Variants in PARD3 observed in about 807,000 individuals in gnomAD.
PARD3 encodes par-3 family cell polarity regulator.
A neutral mutation model predicts 155.4 loss-of-function variants in PARD3; 75 were observed. The observed-to-expected ratio is 0.48, with a 90% CI of 0.40 to 0.58. PARD3 has a LOEUF of 0.58. PARD3 is among the 20% of genes least tolerant of loss of function. The pLI is 0.00. For synonymous variants in PARD3, 576 were observed against 610.5 expected (o/e 0.94, Z 0.83); for missense variants, 1,642 against 1,721.7 (o/e 0.95, Z 0.82).
chr10:34,491,637 A>G (rs1274451799), intron 3 of PARD3, among the ~76,000 whole-genome samples: 1 of 152,262 alleles, frequency 6.6e-6, no homozygotes, highest in Admixed American at 6.5e-5. Flanking sequence ...ATTTGTATAC[A>G]AAACAGGAAG....
chr10:34,516,947 G>T, intron 3 of PARD3, 32 bp downstream of exon 3: 1 of 1,590,596 alleles, frequency 6.3e-7, no homozygotes, highest in Non-Finnish European at 8.6e-7. Context: ...AAATTAAGAT[G>T]AAATGGAAGA....
At chr10:34,439,832 C>T (rs918042220) in intron 5 of PARD3, among the ~76,000 whole-genome samples, 2 of 152,058 alleles carry the variant, frequency 1.3e-5, no homozygotes, top group Non-Finnish European at 2.9e-5. Context: ...CCAACCCTAC[C>T]GCAATACCGT....
chr10:34,678,197 C>T (rs1012224774), intron 2 of PARD3, among the ~76,000 whole-genome samples: 10 of 152,140 alleles, frequency 6.6e-5, no homozygotes, highest in African/African-American at 2.2e-4. Flanking sequence ...ACCTCGGCCT[C>T]CAGAGTGGCT....
chr10:34,739,764 G>A (rs2094975406), intron 1 of PARD3, among the ~76,000 whole-genome samples: 1 of 152,202 alleles, frequency 6.6e-6, no homozygotes, highest in South Asian at 2.1e-4. Context: ...ATTCAATAAA[G>A]TGGGAGCAGG....
At chr10:34,154,791 C>A (rs996303832) in intron 22 of PARD3, among the ~76,000 whole-genome samples, 2 of 152,176 alleles carry the variant, frequency 1.3e-5, no homozygotes, top group Non-Finnish European at 2.9e-5. Context: ...TGTTGAAACT[C>A]ATGGGTTCTG....
chr10:34,763,374 G>A (rs1219371398), intron 1 of PARD3, among the ~76,000 whole-genome samples: 4 of 152,218 alleles, frequency 2.6e-5, no homozygotes, highest in Admixed American at 2.6e-4. Context: ...GCTGAGGGCT[G>A]CAGCAAGGTT....
At chr10:34,627,071 G>C (rs2092015408) in intron 2 of PARD3, among the ~76,000 whole-genome samples, 1 of 151,278 alleles carries the variant, frequency 6.6e-6, no homozygotes, top group African/African-American at 2.4e-5. Flanking sequence ...TGAGGTTAGA[G>C]TGCAGTGGCA....
At chr10:34,748,940 C>G (rs1835648460) in intron 1 of PARD3, among the ~76,000 whole-genome samples, 1 of 152,220 alleles carries the variant, frequency 6.6e-6, no homozygotes, top group Non-Finnish European at 1.5e-5. Flanking sequence ...CCCTGGGCCA[C>G]AGGCCCTTCA....
chr10:34,707,543 T>G (rs1017422946), intron 1 of PARD3, among the ~76,000 whole-genome samples: 1 of 152,186 alleles, frequency 6.6e-6, no homozygotes, highest in African/African-American at 2.4e-5. Context: ...TGATTCAGAA[T>G]GAGGGGCGAG....
At chr10:34,356,786 C>A (rs2134464091) in intron 14 of PARD3, among the ~76,000 whole-genome samples, 1 of 152,330 alleles carries the variant, frequency 6.6e-6, no homozygotes, top group South Asian at 2.1e-4. Context: ...GAATTGAGAT[C>A]TTCTGTCTTC....
intron 3 of PARD3, among the ~76,000 whole-genome samples, chr10:34,503,638 C>A (rs190265218): frequency 3.3e-5 from 5 of 152,256 alleles, no homozygotes; most frequent in Admixed American, 3.3e-4. Flanking sequence ...AGAAACACAC[C>A]GCAGGATAGA....
At chr10:34,296,838 T>C (rs1956934114) in intron 20 of PARD3, among the ~76,000 whole-genome samples, 2 of 152,260 alleles carry the variant, frequency 1.3e-5, no homozygotes, top group South Asian at 2.1e-4. Context: ...ACAAGAGAGT[T>C]AGGCACCATG....
intron 1 of PARD3, among the ~76,000 whole-genome samples, chr10:34,798,232 G>A (rs965633679): frequency 1.3e-5 from 2 of 152,138 alleles, no homozygotes; most frequent in African/African-American, 4.8e-5. Context: ...AGGAGGCTGA[G>A]GCAGGAAGAT....
At chr10:34,286,965 T>C (rs1243501923) in intron 20 of PARD3, among the ~76,000 whole-genome samples, 2 of 152,020 alleles carry the variant, frequency 1.3e-5, no homozygotes, top group Non-Finnish European at 2.9e-5. Context: ...GAGTCACTGA[T>C]GATTCCAGGG....
At chr10:34,614,007 A>G (rs2091087273) in intron 2 of PARD3, among the ~76,000 whole-genome samples, 1 of 152,228 alleles carries the variant, frequency 6.6e-6, no homozygotes, top group Non-Finnish European at 1.5e-5. Flanking sequence ...GGAAAAGTTT[A>G]TAAACAGGGA....
intron 1 of PARD3, among the ~76,000 whole-genome samples, chr10:34,697,766 A>AACACACACACACACACACAC (rs377094946): frequency 3.4e-4 from 50 of 146,538 alleles, no homozygotes; most frequent in South Asian, 6.4e-4. Context: ...TTGTAAAACA[A>AACACACACACACACACACAC]ACACTCACAC....
At chr10:34,264,857 C>A (rs1405134752) in intron 22 of PARD3, among the ~76,000 whole-genome samples, 1 of 151,940 alleles carries the variant, frequency 6.6e-6, no homozygotes, top group Non-Finnish European at 1.5e-5. Flanking sequence ...TCAAGTGATC[C>A]TCCTGCCCTG....
rs75373696 is a variant in PARD3 at position 34,777,434 on chromosome 10, T to C, written c.120+37442A>G. 3.6e-3 allele frequency among the ~76,000 whole-genome samples: 533 copies of C among 149,192 alleles called. 4 individuals are homozygous for C. The highest frequency in any genetic ancestry group is 0.012 in the African/African-American group (474 of 38,534). ...TGTGTCTCCTACTCCATTTCCACCT[T>C]TGCAAACATTTTATACAACCTCTCT... On this transcript the variant is annotated intron_variant, in intron 1 of 24. Transcript: ENST00000374788.
intron 1 of PARD3, among the ~76,000 whole-genome samples, chr10:34,711,804 C>T (rs187077317): frequency 4.6e-5 from 7 of 152,210 alleles, no homozygotes; most frequent in African/African-American, 9.6e-5. Context: ...AAAAGAAATG[C>T]GTGGACATGC....
Sources: allele counts gnomAD v4.1 joint callset (sites outside exome capture counted in the v4.1 genomes callset), GRCh38; gene constraint gnomAD v4.1.1; transcripts MANE v1.5; gene names NCBI Gene and HGNC (gene_info 2026-07-23, HGNC 2026-07-21).